SOBP: variants seen among roughly 807,000 people sequenced by gnomAD.
SOBP encodes the protein sine oculis binding protein homolog.
Under a neutral mutation model 53.6 loss-of-function variants are expected in SOBP, and 4 were observed. The observed-to-expected ratio is 0.07, with a 90% CI of 0.04 to 0.17. SOBP has a LOEUF of 0.17. Among genes scored for constraint, SOBP ranks in the 10% least tolerant of loss-of-function variants. The probability of loss-of-function intolerance (pLI) is 1.00; values close to 1 mark genes in which losing one functional copy is unlikely to be tolerated. For synonymous variants in SOBP, 584 were observed against 522.6 expected (o/e 1.12, Z -1.60); for missense variants, 1,088 against 1,204.7 (o/e 0.90, Z 1.43).
chr6:107,498,335 A>G (rs1022205363), intron 1 of SOBP, among the ~76,000 whole-genome samples: 1 of 152,162 alleles, frequency 6.6e-6, no homozygotes, highest in Non-Finnish European at 1.5e-5. Context: ...AAATTTGAAA[A>G]CACATTGGCA....
At chr6:107,581,895 G>A (rs1785414458) in intron 4 of SOBP, among the ~76,000 whole-genome samples, 1 of 152,078 alleles carries the variant, frequency 6.6e-6, no homozygotes, top group Admixed American at 6.5e-5. Flanking sequence ...CTTAAGTCCG[G>A]TAAAAATGCC....
chr6:107,553,071 C>A (rs1223955233), intron 4 of SOBP, among the ~76,000 whole-genome samples: 1 of 151,864 alleles, frequency 6.6e-6, no homozygotes, highest in African/African-American at 2.4e-5. Context: ...AACCAAACAC[C>A]ACCTGTTCCC....
chr6:107,637,505 T>G (rs1771099277), intron 6 of SOBP, among the ~76,000 whole-genome samples: 1 of 152,220 alleles, frequency 6.6e-6, no homozygotes, highest in Admixed American at 6.5e-5. Context: ...CTTCTCACAG[T>G]CACCTCAATT....
chr6:107,638,227 T>C (rs1193531302), intron 6 of SOBP, among the ~76,000 whole-genome samples: 2 of 146,388 alleles, frequency 1.4e-5, no homozygotes, highest in African/African-American at 2.7e-5. Context: ...TTATTATTTT[T>C]TGAGACAGAG....
At chr6:107,516,832 A>G (rs541299410) in intron 3 of SOBP, among the ~76,000 whole-genome samples, 6 of 152,316 alleles carry the variant, frequency 3.9e-5, no homozygotes, top group Non-Finnish European at 5.9e-5. Flanking sequence ...ATGGTTACAC[A>G]GAGAATCATA....
chr6:107,590,807 G>T (rs534860999), intron 5 of SOBP, among the ~76,000 whole-genome samples: 1 of 152,098 alleles, frequency 6.6e-6, no homozygotes, highest in Non-Finnish European at 1.5e-5. Flanking sequence ...TCATTTCCTC[G>T]TGGATGTAGA....
intron 5 of SOBP, among the ~76,000 whole-genome samples, chr6:107,589,387 C>T (rs925257063): frequency 8.5e-5 from 13 of 152,174 alleles, no homozygotes; most frequent in African/African-American, 3.1e-4. Context: ...ATTACTGACT[C>T]TCTAATGTCT....
chr6:107,591,109 T>C lies in SOBP; in HGVS notation c.669+3934T>C, dbSNP rs137892018. On this transcript the variant is annotated intron_variant, in intron 5 of 6. Coordinates refer to ENST00000317357, the MANE Select transcript of SOBP (RefSeq NM_018013.4). The stretch of plus-strand genomic sequence containing the variant: ...GTCATCCTGGTGGTATAGCTAAGGA[T>C]CATAGACGCAAAGGCTTAACATTTA... 6.0e-3 allele frequency among the ~76,000 whole-genome samples: 915 copies of C among 152,272 alleles called. 9 individuals are homozygous for C. The highest frequency in any genetic ancestry group is 0.021 in the African/African-American group (863 of 41,532).
chr6:107,598,495 C>T (rs1447701766), intron 5 of SOBP, among the ~76,000 whole-genome samples: 1 of 152,104 alleles, frequency 6.6e-6, no homozygotes, highest in Non-Finnish European at 1.5e-5. Context: ...TGGGAGACAG[C>T]CTGTGCTAGC....
At chr6:107,542,766 G>GTT (rs113045000) in intron 4 of SOBP, among the ~76,000 whole-genome samples, 1 of 146,814 alleles carries the variant, frequency 6.8e-6, no homozygotes, top group African/African-American at 2.5e-5. Flanking sequence ...TGTGTGTTTT[G>GTT]TTTTTTTTTT....
At chr6:107,547,623 G>A (rs1219420444) in intron 4 of SOBP, among the ~76,000 whole-genome samples, 1 of 152,142 alleles carries the variant, frequency 6.6e-6, no homozygotes, top group African/African-American at 2.4e-5. Context: ...CTAAAGAATT[G>A]GTAAATGTAA....
chr6:107,533,896 G>T (rs1783916661), intron 4 of SOBP, among the ~76,000 whole-genome samples: 1 of 152,190 alleles, frequency 6.6e-6, no homozygotes, highest in South Asian at 2.1e-4. Flanking sequence ...CTTTCCAGCA[G>T]TAGAGTGCAG....
intron 4 of SOBP, among the ~76,000 whole-genome samples, chr6:107,538,416 T>C (rs746946378): frequency 6.6e-6 from 1 of 152,254 alleles, no homozygotes; most frequent in Non-Finnish European, 1.5e-5. Flanking sequence ...TTGCAATTAA[T>C]GTCCCCTGAC....
chr6:107,563,621 A>G (rs898835654), intron 4 of SOBP, among the ~76,000 whole-genome samples: 4 of 152,118 alleles, frequency 2.6e-5, no homozygotes, highest in Non-Finnish European at 5.9e-5. Flanking sequence ...ATAAATAGTG[A>G]GAAATGGACC....
chr6:107,554,877 G>A lies in SOBP; in HGVS notation c.573+21267G>A, dbSNP rs143471499. On this transcript the variant is annotated intron_variant, in intron 4 of 6. Coordinates refer to ENST00000317357, the MANE Select transcript of SOBP (RefSeq NM_018013.4). ...GCTGGGATGGGGGGTGGGAGGTGGT[G>A]GAGAAACTGTTATTCTGTGAGCCTG... Among the ~76,000 whole-genome samples, 52 of 152,292 alleles carry A rather than the reference G, an allele frequency of 3.4e-4. No homozygotes were observed. In the East Asian group the frequency reaches 6.2e-3, roughly 18 times the overall value.
At chr6:107,581,370 G>T (rs527363344) in intron 4 of SOBP, among the ~76,000 whole-genome samples, 1 of 152,276 alleles carries the variant, frequency 6.6e-6, no homozygotes, top group African/African-American at 2.4e-5. Flanking sequence ...AGGAGACCCA[G>T]TTGAAGGGCA....
At chr6:107,501,374 C>T (rs1437821175) in intron 1 of SOBP, among the ~76,000 whole-genome samples, 2 of 152,206 alleles carry the variant, frequency 1.3e-5, no homozygotes, top group Admixed American at 1.3e-4. Context: ...TAGGGGGTTG[C>T]TCCATGATTA....
At chr6:107,587,040 A>G (rs766820158) in intron 4 of SOBP, 40 bp from the exon 5 acceptor site, 2 of 1,484,340 alleles carry the variant, frequency 1.3e-6, no homozygotes, top group Admixed American at 3.3e-5. Flanking sequence ...TTCTTCCATT[A>G]TTTGTAAGTC....
At chr6:107,604,962 T>C (rs192128975) in intron 5 of SOBP, among the ~76,000 whole-genome samples, 152 of 152,332 alleles carry the variant, frequency 1.0e-3, no homozygotes, top group Non-Finnish European at 2.4e-4. Flanking sequence ...TAAAAATTCT[T>C]TGGCCCATCT....
Sources: allele counts gnomAD v4.1 joint callset (sites outside exome capture counted in the v4.1 genomes callset), GRCh38; gene constraint gnomAD v4.1.1; transcripts MANE v1.5; gene names NCBI Gene and HGNC (gene_info 2026-07-23, HGNC 2026-07-21).